Variants in NR2F1-AS1 observed in about 807,000 individuals in gnomAD.
NR2F1-AS1 encodes the protein NR2F1 antisense RNA 1.
In NR2F1-AS1 at chr5:93,493,407, G is replaced by C. The variant is rs140633485; in HGVS notation, n.638+60354C>G. On this transcript the variant is annotated intron_variant and non_coding_transcript_variant, in intron 4 of 5. Coordinates refer to ENST00000660523, the Ensembl canonical transcript of NR2F1-AS1. ...AACATCGCTGAAAGAAACTTTAAAA[G>C]ACCTAAATAAGTGAAACTATTTCCC... Among the ~76,000 whole-genome samples the C allele has an allele frequency of 6.7e-4, 102 of 151,958 alleles. 1 individual carries two copies. Among genetic ancestry groups the C allele is most frequent in the African/African-American group, 2.4e-3 (98 of 41,482 alleles).
upstream of NR2F1-AS1, among the ~76,000 whole-genome samples, chr5:93,582,284 A>AAAG (rs559733282): frequency 4.0e-5 from 6 of 151,756 alleles, no homozygotes; most frequent in African/African-American, 1.4e-4. Flanking sequence ...AAAAAAAAAA[A>AAAG]AAGAAGAAGG....
chr5:93,460,484 G>T (rs1750064619), intron 4 of NR2F1-AS1, among the ~76,000 whole-genome samples: 1 of 152,216 alleles, frequency 6.6e-6, no homozygotes, highest in East Asian at 1.9e-4. Context: ...AGAATGATGA[G>T]TCAGCAGCAA....
At chr5:93,551,106 G>A (rs974257737) in intron 4 of NR2F1-AS1, among the ~76,000 whole-genome samples, 1 of 151,876 alleles carries the variant, frequency 6.6e-6, no homozygotes, top group East Asian at 1.9e-4. Flanking sequence ...TACACAAGTT[G>A]AATGACCAGA....
chr5:93,440,578 C>A (rs1443212433), intron 4 of NR2F1-AS1, among the ~76,000 whole-genome samples: 2 of 152,166 alleles, frequency 1.3e-5, no homozygotes, highest in Non-Finnish European at 1.5e-5. Context: ...TGGAACTATA[C>A]CACGAGCTCT....
rs1010529381 is a variant in NR2F1-AS1, at chr5:93,467,821, T to C, written n.639-72279A>G. Among the ~76,000 whole-genome samples the C allele has an allele frequency of 2.7e-5, 4 of 149,488 alleles. No individual in the cohort carries two copies. In the South Asian group the frequency reaches 6.3e-4, roughly 24 times the overall value. On this transcript the variant is annotated intron_variant and non_coding_transcript_variant, in intron 4 of 5. Transcript: ENST00000660523. Reference sequence around the variant, plus strand: ...AGGTATTTCCCCTAATGCTATGCCCTGACAGGCCCCGGCATATGGTGTTTC... The same window carrying C: ...AGGTATTTCCCCTAATGCTATGCCCCGACAGGCCCCGGCATATGGTGTTTC...
At chr5:93,469,289 T>C (rs1208702337) in intron 4 of NR2F1-AS1, among the ~76,000 whole-genome samples, 1 of 152,116 alleles carries the variant, frequency 6.6e-6, no homozygotes, top group Non-Finnish European at 1.5e-5. Flanking sequence ...ATAGAACATG[T>C]AACTGTACTT....
intron 4 of NR2F1-AS1, among the ~76,000 whole-genome samples, chr5:93,519,906 G>A (rs372724668): frequency 6.6e-6 from 1 of 151,948 alleles, no homozygotes; most frequent in African/African-American, 2.4e-5. Flanking sequence ...ACTCATCTAT[G>A]ATGACTCAGT....
chr5:93,465,455 G>A (rs1294158977), intron 4 of NR2F1-AS1, among the ~76,000 whole-genome samples: 1 of 152,170 alleles, frequency 6.6e-6, no homozygotes, highest in Admixed American at 6.5e-5. Flanking sequence ...TGGAGAAATA[G>A]GAGTGTTTTA....
chr5:93,472,346 C>A (rs780956769), intron 4 of NR2F1-AS1, among the ~76,000 whole-genome samples: 13 of 151,726 alleles, frequency 8.6e-5, no homozygotes, highest in Non-Finnish European at 1.5e-4. Flanking sequence ...AAGAGAAAGA[C>A]AAATGTTTTA....
intron 1 of NR2F1-AS1, among the ~76,000 whole-genome samples, chr5:93,574,658 TG>T: frequency 6.6e-6 from 1 of 152,286 alleles, no homozygotes; most frequent in East Asian, 1.9e-4. Flanking sequence ...CCCTTAAAAG[TG>T]GGGTTTCTCT....
intron 4 of NR2F1-AS1, among the ~76,000 whole-genome samples, chr5:93,451,894 A>G (rs1749838837): frequency 6.6e-6 from 1 of 152,220 alleles, no homozygotes; most frequent in East Asian, 1.9e-4. Context: ...CTTTGCTTAC[A>G]GCTGAGGCTT....
chr5:93,546,421 A>C (rs1055745069), intron 4 of NR2F1-AS1, among the ~76,000 whole-genome samples: 1 of 152,206 alleles, frequency 6.6e-6, no homozygotes, highest in African/African-American at 2.4e-5. Flanking sequence ...TATACATTGC[A>C]ATTATCATAA....
At chr5:93,417,609 T>G (rs1748994824) in intron 4 of NR2F1-AS1, among the ~76,000 whole-genome samples, 2 of 152,184 alleles carry the variant, frequency 1.3e-5, no homozygotes, top group South Asian at 4.1e-4. Flanking sequence ...TCAAAGCTCT[T>G]TGGTGTGCAG....
At chr5:93,437,086 C>T (rs1749448458) in intron 4 of NR2F1-AS1, among the ~76,000 whole-genome samples, 1 of 151,318 alleles carries the variant, frequency 6.6e-6, no homozygotes, top group Non-Finnish European at 1.5e-5. Context: ...AGATAAAAAA[C>T]ATACCACAGT....
intron 4 of NR2F1-AS1, among the ~76,000 whole-genome samples, chr5:93,536,805 T>C (rs572864438): frequency 3.9e-5 from 6 of 152,200 alleles, no homozygotes; most frequent in Non-Finnish European, 7.3e-5. Flanking sequence ...CCAAATCTCA[T>C]CTTGTAGCTC....
chr5:93,444,729 C>A (rs1005425736), intron 4 of NR2F1-AS1, among the ~76,000 whole-genome samples: 16 of 152,188 alleles, frequency 1.1e-4, no homozygotes, highest in Non-Finnish European at 2.4e-4. Flanking sequence ...CTCTCCACCC[C>A]AAATCAACAG....
chr5:93,471,859 A>G (rs1412697287), intron 4 of NR2F1-AS1, among the ~76,000 whole-genome samples: 2 of 151,924 alleles, frequency 1.3e-5, no homozygotes, highest in Admixed American at 6.6e-5. Context: ...ATTTATGTTA[A>G]CAATTTGTAT....
At chr5:93,569,297 A>T (rs1406092815) in intron 1 of NR2F1-AS1, among the ~76,000 whole-genome samples, 1 of 152,208 alleles carries the variant, frequency 6.6e-6, no homozygotes, top group Non-Finnish European at 1.5e-5. Flanking sequence ...TTTAAGGGCT[A>T]TGTCAAAGTA....
At chr5:93,447,446 A>T (rs1240263823) in intron 4 of NR2F1-AS1, among the ~76,000 whole-genome samples, 1 of 152,240 alleles carries the variant, frequency 6.6e-6, no homozygotes, top group Non-Finnish European at 1.5e-5. Context: ...CAACAGACAC[A>T]TGAAAAAATG....
Sources: allele counts gnomAD v4.1 joint callset (sites outside exome capture counted in the v4.1 genomes callset), GRCh38; gene constraint gnomAD v4.1.1; transcripts MANE v1.5; gene names NCBI Gene and HGNC (gene_info 2026-07-23, HGNC 2026-07-21).